CCDC25: variants seen among roughly 807,000 people sequenced by gnomAD.
CCDC25 encodes the protein coiled-coil domain containing 25, also known as coiled-coil domain-containing protein 25.
Under a neutral mutation model 35.3 loss-of-function variants are expected in CCDC25, and 16 were observed. That is an observed-to-expected ratio of 0.45 (90% CI 0.31 to 0.69). CCDC25 has a LOEUF of 0.69. Among genes scored for constraint, CCDC25 ranks in the 30% least tolerant of loss-of-function variants. The pLI is 0.06. For missense variants in CCDC25, 179 were observed against 250.7 expected (o/e 0.71, Z 1.93); for synonymous variants, 79 against 80.3 (o/e 0.98, Z 0.09).
chr8:27,748,394 T>C (rs1803677985), intron 6 of CCDC25, 101 bp downstream of exon 6: 1 of 1,311,726 alleles, frequency 7.6e-7, no homozygotes, highest in South Asian at 1.2e-5. Context: ...AGAAAACATA[T>C]ATCATGCTCA....
At chr8:27,750,239 G>T (rs1247962092) in intron 5 of CCDC25, among the ~76,000 whole-genome samples, 1 of 152,208 alleles carries the variant, frequency 6.6e-6, no homozygotes, top group Non-Finnish European at 1.5e-5. Flanking sequence ...TCATCGAGGA[G>T]GCTCACAGAG....
chr8:27,733,757 G>T lies in CCDC25; in HGVS notation c.*2459C>A, dbSNP rs960686909. 6.6e-6 allele frequency: 1 copy of T among 152,158 alleles called. No individual in the cohort carries two copies. The highest frequency in any genetic ancestry group is 1.5e-5 in the Non-Finnish European group (1 of 68,038). 9.4% of individuals were successfully genotyped at this position (152,158 alleles called of 1,614,324 possible). On this transcript the variant is annotated 3_prime_UTR_variant, in exon 9 of 9. Coordinates refer to ENST00000356537, the MANE Select transcript of CCDC25 (RefSeq NM_018246.3). ...GAAAAAGCACGCGTCAATATCACGCGTAGGAAAAACTAGAAAATTGTTCCT... is the reference window on the plus strand; with the variant it reads ...GAAAAAGCACGCGTCAATATCACGCTTAGGAAAAACTAGAAAATTGTTCCT...
chr8:27,755,171 G>T (rs550156500), intron 4 of CCDC25, among the ~76,000 whole-genome samples: 1 of 152,248 alleles, frequency 6.6e-6, no homozygotes, highest in Admixed American at 6.5e-5. Context: ...AAAGAACCAG[G>T]GTTCCTTGGA....
chr8:27,752,515 G>T lies in CCDC25; in HGVS notation c.241C>A (p.Gln81Lys), dbSNP rs367909303. The T allele has an allele frequency of 2.6e-5, 42 of 1,612,206 alleles. No individual in the cohort carries two copies. The highest frequency in any genetic ancestry group is 3.2e-5 in the Non-Finnish European group (38 of 1,178,578). The part of the protein sequence containing the change: ...CAHLVKANSI[Q>K]GCKMNNVNVV... ...AAACACCTCTAGGAAAACTGACCTT[G>T]AATGCTATTGGCCTTCACAAGGTGG... Residue 81 changes from glutamine to lysine, a missense_variant, in exon 5 of 9, where the codon CAA becomes AAA. Gln to Lys is a moderately conservative substitution (Grantham distance 53, BLOSUM62 1). Coordinates refer to ENST00000356537, the MANE Select transcript of CCDC25 (RefSeq NM_018246.3).
chr8:27,745,283 A>G (rs1159328409), intron 7 of CCDC25, among the ~76,000 whole-genome samples: 8 of 152,194 alleles, frequency 5.3e-5, no homozygotes, highest in African/African-American at 1.9e-4. Context: ...GGCATGAATC[A>G]CTTTGCCTGG....
At position 27,736,376 on chromosome 8, in the gene CCDC25, T is replaced by G. The variant is rs562959251; in HGVS notation, c.598-131A>C. 1.0e-5 allele frequency: 7 copies of G among 693,112 alleles called. No homozygotes were observed. In the South Asian group the frequency reaches 1.4e-4, roughly 13 times the overall value. 42.9% of individuals were successfully genotyped at this position (693,112 alleles called of 1,614,324 possible). ...AGTTCAGAAAGTAAAATAACTAAAT[T>G]GACTCATCACTTCTCCGCCTTAAGT... On this transcript the variant is annotated intron_variant, in intron 8 of 8. Coordinates refer to ENST00000356537, the MANE Select transcript of CCDC25 (RefSeq NM_018246.3).
intron 1 of CCDC25, chr8:27,772,170 G>T (rs777084366): frequency 2.4e-6 from 1 of 408,368 alleles, no homozygotes; most frequent in Non-Finnish European, 4.5e-6. Flanking sequence ...CAGATGGAAG[G>T]TGGGAAGAAG....
chr8:27,749,851 T>A (rs1279750369), intron 5 of CCDC25, among the ~76,000 whole-genome samples: 1 of 152,222 alleles, frequency 6.6e-6, no homozygotes, highest in Non-Finnish European at 1.5e-5. Flanking sequence ...ATATCTACAA[T>A]TTCGCTTTGG....
At position 27,772,476 on chromosome 8, in the gene CCDC25, G is replaced by C. The variant is rs943169570; in HGVS notation, c.28+37C>G. ...GCGGGTCCCGGCTTCGGAGCCCGCT[G>C]TCCAGCAGGGTCCAGGAGGACGTGG... is the stretch of plus-strand genomic sequence containing the variant. On this transcript the variant is annotated intron_variant, in intron 1 of 8. Coordinates refer to ENST00000356537, the MANE Select transcript of CCDC25 (RefSeq NM_018246.3). The C allele has an allele frequency of 1.0e-5, 16 of 1,547,852 alleles. No homozygotes were observed. The Admixed American group carries it at 3.1e-4, about 30-fold the overall frequency.
chr8:27,762,362 C>T (rs537393107), intron 3 of CCDC25, 57 bp downstream of exon 3: 4 of 1,492,912 alleles, frequency 2.7e-6, no homozygotes, highest in Middle Eastern at 1.7e-4. Context: ...AATGCTTGGC[C>T]AAGTCTAAGA....
intron 7 of CCDC25, among the ~76,000 whole-genome samples, chr8:27,746,485 T>C (rs756477546): frequency 1.3e-5 from 2 of 152,232 alleles, no homozygotes; most frequent in Non-Finnish European, 2.9e-5. Context: ...CTAATATATG[T>C]TCCATCATGT....
At chr8:27,742,094 G>T (rs1387396512) in intron 7 of CCDC25, among the ~76,000 whole-genome samples, 4 of 152,190 alleles carry the variant, frequency 2.6e-5, no homozygotes, top group Non-Finnish European at 4.4e-5. Flanking sequence ...AAAAATAGGA[G>T]AAATGGGAAA....
At chr8:27,752,742 T>C (rs1214555705) in intron 4 of CCDC25, among the ~76,000 whole-genome samples, 155 bp from the exon 5 acceptor site, 1 of 151,146 alleles carries the variant, frequency 6.6e-6, no homozygotes, top group Non-Finnish European at 1.5e-5. Flanking sequence ...AAATTTACTG[T>C]GTGCATTACG....
At chr8:27,761,794 G>T (rs182931998) in intron 3 of CCDC25, among the ~76,000 whole-genome samples, 1 of 152,194 alleles carries the variant, frequency 6.6e-6, no homozygotes, top group Admixed American at 6.5e-5. Flanking sequence ...ACAGAGAAAA[G>T]AATTCAGCTT....
Position 27,765,241 on chromosome 8 carries a change from A to T in CCDC25, c.39T>A (p.Ser13=). The change falls in exon 2 of 9, where the codon TCT becomes TCA. Residue 13 remains serine (S), a synonymous_variant. Transcript: ENST00000356537. ...FYFTSSSVNS[S]AYTIYMGKDK... ...CTTTTCCCATGTAAATAGTGTAGGC[A>T]GATGAATTAACTAAGATAAAACAAA... 1 of 1,490,292 alleles carries T rather than the reference A, an allele frequency of 6.7e-7. No homozygotes were observed. 92.3% of individuals were successfully genotyped at this position (1,490,292 alleles called of 1,614,324 possible).
chr8:27,749,897 T>C lies in CCDC25; in HGVS notation c.245-1299A>G, dbSNP rs1417371539. Among the ~76,000 whole-genome samples, 3 of 152,194 alleles carry C rather than the reference T, an allele frequency of 2.0e-5. No homozygotes were observed. The East Asian group carries it at 5.8e-4, about 29-fold the overall frequency. On this transcript the variant is annotated intron_variant, in intron 5 of 8. Transcript: ENST00000356537. ...TAAAAAGGTTAATGAGTATGCAATA[T>C]ATAAAGCAAATAAATATGGAAAAAT...
chr8:27,750,422 G>A (rs1478445941), intron 5 of CCDC25, among the ~76,000 whole-genome samples: 2 of 152,160 alleles, frequency 1.3e-5, no homozygotes, highest in Non-Finnish European at 2.9e-5. Context: ...AATTTATGAA[G>A]TACTTAGCAC....
At chr8:27,763,636 T>C (rs1034842034) in intron 2 of CCDC25, among the ~76,000 whole-genome samples, 1 of 152,134 alleles carries the variant, frequency 6.6e-6, no homozygotes, top group African/African-American at 2.4e-5. Flanking sequence ...GAGAATTGCT[T>C]GAATCCAGGA....
intron 3 of CCDC25, 149 bp from the exon 4 acceptor site, chr8:27,756,919 A>AC: frequency 3.2e-6 from 2 of 622,478 alleles, no homozygotes; most frequent in Non-Finnish European, 5.8e-6. Context: ...CACAGTCACC[A>AC]CCTCCAAAGG....
Sources: allele counts gnomAD v4.1 joint callset (sites outside exome capture counted in the v4.1 genomes callset), GRCh38; gene constraint gnomAD v4.1.1; transcripts MANE v1.5; gene names NCBI Gene and HGNC (gene_info 2026-07-23, HGNC 2026-07-21).